The following KCNK3 variants were observed in gnomAD, a reference collection of about 807,000 sequenced individuals.
KCNK3 encodes the protein potassium two pore domain channel subfamily K member 3, also known as potassium channel subfamily K member 3.
KCNK3 carries 9 observed loss-of-function variants against 27.3 expected under a neutral mutation model. The ratio of observed to expected loss-of-function variants is 0.33; its 90% CI spans 0.20 to 0.57. The LOEUF (loss-of-function observed/expected upper bound fraction) is 0.57. Ranked by LOEUF, KCNK3 falls within the 20% of genes least tolerant of loss-of-function variation. The pLI, the probability that KCNK3 is intolerant of heterozygous loss-of-function variation, is 0.87. For synonymous variants in KCNK3, 278 were observed against 273.8 expected (o/e 1.02, Z -0.15); for missense variants, 391 against 577.7 (o/e 0.68, Z 3.31).
At chr2:26,695,916 C>A (rs1433803826) in intron 1 of KCNK3, among the ~76,000 whole-genome samples, 3 of 152,212 alleles carry the variant, frequency 2.0e-5, no homozygotes, top group Non-Finnish European at 4.4e-5. Flanking sequence ...CCTGACCATC[C>A]TGGCTTTGTG....
rs35378015 is a variant in KCNK3, at chr2:26,699,250, A to AAAGAAAGAAAGAAAGAAAGAAAGAAAGC, written c.283+6095_283+6096insAAAGAAAGAAAGAAAGAAAGAAAGCAAG. On this transcript the variant is annotated intron_variant, in intron 1 of 1. Coordinates refer to ENST00000302909, the MANE Select transcript of KCNK3 (RefSeq NM_002246.3). ...GAAAGAAAGAAAGAAAGAAAGAAAGAAAGCCAGCCAAGGAGAAAGGTACAC... is the reference window on the plus strand; with the variant it reads ...GAAAGAAAGAAAGAAAGAAAGAAAGAAAGAAAGAAAGAAAGAAAGAAAGAAAGCAAGCCAGCCAAGGAGAAAGGTACAC... 1.4e-4 allele frequency among the ~76,000 whole-genome samples: 20 copies of AAAGAAAGAAAGAAAGAAAGAAAGAAAGC among 142,872 alleles called. No homozygotes were observed. In the East Asian group the frequency reaches 2.0e-3, roughly 14 times the overall value. 93.7% of individuals were successfully genotyped at this position (142,872 alleles called of 152,430 possible).
intron 1 of KCNK3, among the ~76,000 whole-genome samples, chr2:26,697,938 C>A (rs536821429): frequency 6.6e-6 from 1 of 152,208 alleles, no homozygotes; most frequent in Non-Finnish European, 1.5e-5. Flanking sequence ...GACCTGCCAC[C>A]CCCAAAATCC....
chr2:26,703,642 T>C (rs1670335717), intron 1 of KCNK3, among the ~76,000 whole-genome samples: 1 of 152,174 alleles, frequency 6.6e-6, no homozygotes, highest in Non-Finnish European at 1.5e-5. Flanking sequence ...CGAAATCTCC[T>C]GTGTGCCAGG....
At chr2:26,705,957 G>T (rs1014742380) in intron 1 of KCNK3, among the ~76,000 whole-genome samples, 1 of 152,152 alleles carries the variant, frequency 6.6e-6, no homozygotes, top group Non-Finnish European at 1.5e-5. Flanking sequence ...CCAGAGTCAT[G>T]GGTGTGAGGA....
rs1419799885 is a variant in KCNK3, at chr2:26,729,263, TG to T, written c.*697del. The T allele has an allele frequency of 2.0e-5, 3 of 152,314 alleles. No homozygotes were observed. The highest frequency in any genetic ancestry group is 6.5e-5 in the Admixed American group (1 of 15,272). 9.4% of individuals were successfully genotyped at this position (152,314 alleles called of 1,614,324 possible). A position where few individuals can be genotyped will look rare whatever the true frequency, so the allele number is the denominator to read the frequency against. The stretch of plus-strand genomic sequence containing the variant: ...GGTCGCACTGGAGGTTCAAGCTAAC[TG>T]GCCTCCAGCCACATTCTCATAGCAG... On this transcript the variant is annotated 3_prime_UTR_variant, in exon 2 of 2. Transcript: ENST00000302909.
chr2:26,728,416 T>C lies in KCNK3; in HGVS notation c.1033T>C (p.Ser345Pro). ...CGACACGTGCGTGGAGCAGAGCCAC[T>C]CGTCGCCGGGAGGGGGCGGCCGCTA... Reference protein sequence around the residue: ...TSDTCVEQSHSSPGGGGRYSD... With the variant: ...TSDTCVEQSHPSPGGGGRYSD... Residue 345 changes from serine to proline, a missense_variant, in exon 2 of 2, where the codon TCG (serine) becomes CCG (proline). This residue lies in a region of KCNK3 where 192 missense variants were observed against 196.0 expected (regional missense o/e 0.98). Transcript: ENST00000302909. 2 of 1,592,822 alleles carry C rather than the reference T, an allele frequency of 1.3e-6. No individual in the cohort carries two copies. Among genetic ancestry groups the C allele is most frequent in the Non-Finnish European group, 1.7e-6 (2 of 1,165,808 alleles).
intron 1 of KCNK3, among the ~76,000 whole-genome samples, chr2:26,724,135 G>A (rs575069838): frequency 6.6e-6 from 1 of 152,348 alleles, no homozygotes; most frequent in Non-Finnish European, 1.5e-5. Context: ...GCTCCACCCA[G>A]CTGGCACCCC....
intron 1 of KCNK3, among the ~76,000 whole-genome samples, chr2:26,710,771 C>T (rs757434363): frequency 6.6e-6 from 1 of 152,116 alleles, no homozygotes; most frequent in Admixed American, 6.5e-5. Flanking sequence ...GCCTGGCACC[C>T]GATTCTCAGC....
chr2:26,694,835 T>C (rs1300980757), intron 1 of KCNK3, among the ~76,000 whole-genome samples: 1 of 152,140 alleles, frequency 6.6e-6, no homozygotes, highest in African/African-American at 2.4e-5. Context: ...CTCTCCCTCT[T>C]TTCCACACGT....
rs752475208 is a variant in KCNK3 at position 26,727,728 on chromosome 2, G to A, written c.345G>A (p.Leu115=). The A allele has an allele frequency of 1.3e-6, 2 of 1,568,554 alleles. No individual in the cohort carries two copies. Among genetic ancestry groups the A allele is most frequent in the Admixed American group, 3.6e-5 (2 of 56,148 alleles). Residue 115 remains leucine (L), a synonymous_variant, in exon 2 of 2, where the codon CTG becomes CTA. Coordinates refer to ENST00000302909, the MANE Select transcript of KCNK3 (RefSeq NM_002246.3). ...GGKVFCMFYA[L]LGIPLTLVMF... ...AGGTGTTCTGCATGTTCTACGCGCT[G>A]CTGGGCATCCCGCTCACGCTCGTCA...
At chr2:26,725,556 C>G (rs371407309) in intron 1 of KCNK3, among the ~76,000 whole-genome samples, 22 of 152,198 alleles carry the variant, frequency 1.4e-4, no homozygotes, top group Non-Finnish European at 3.1e-4. Flanking sequence ...GGATGAGAAG[C>G]AGCTCTGGCT....
intron 1 of KCNK3, among the ~76,000 whole-genome samples, chr2:26,717,510 G>A (rs1470401781): frequency 6.6e-6 from 1 of 152,262 alleles, no homozygotes; most frequent in Non-Finnish European, 1.5e-5. Flanking sequence ...CATCCGCGAA[G>A]AGGGCCAAGT....
chr2:26,705,271 TA>T lies in KCNK3; in HGVS notation c.283+12114del, dbSNP rs1193753753. On this transcript the variant is annotated intron_variant, in intron 1 of 1. Transcript: ENST00000302909. ...ACTGCATGTGGCCTGGAGACAGTAT[TA>T]TTATCCCCATTTTACAGATGAGAAC... Among the ~76,000 whole-genome samples, 5 of 152,248 alleles carry T rather than the reference TA, an allele frequency of 3.3e-5. No homozygotes were observed. The East Asian group carries it at 9.6e-4, about 29-fold the overall frequency.
At chr2:26,723,643 C>T (rs1663361260) in intron 1 of KCNK3, among the ~76,000 whole-genome samples, 1 of 152,236 alleles carries the variant, frequency 6.6e-6, no homozygotes, top group African/African-American at 2.4e-5. Context: ...CATTCACAAG[C>T]TGTGTGACCT....
intron 1 of KCNK3, among the ~76,000 whole-genome samples, chr2:26,710,610 G>C (rs1054724026): frequency 1.3e-5 from 2 of 152,170 alleles, no homozygotes; most frequent in Non-Finnish European, 2.9e-5. Context: ...GCAGGAGATG[G>C]GGGCCTGTCC....
intron 1 of KCNK3, among the ~76,000 whole-genome samples, chr2:26,713,581 A>C (rs1572609123): frequency 6.6e-6 from 1 of 152,028 alleles, no homozygotes; most frequent in Non-Finnish European, 1.5e-5. Flanking sequence ...GGAGTTCAAG[A>C]CCAGCCTGGC....
At chr2:26,717,514 G>A (rs947351222) in intron 1 of KCNK3, among the ~76,000 whole-genome samples, 3 of 152,236 alleles carry the variant, frequency 2.0e-5, no homozygotes, top group African/African-American at 7.2e-5. Flanking sequence ...CGCGAAGAGG[G>A]CCAAGTCCAC....
intron 1 of KCNK3, among the ~76,000 whole-genome samples, chr2:26,694,605 A>G (rs183224395): frequency 1.9e-3 from 292 of 152,180 alleles, no homozygotes; most frequent in Admixed American, 5.1e-3. Flanking sequence ...GATGTGGCCC[A>G]GCTGGGGCAC....
intron 1 of KCNK3, among the ~76,000 whole-genome samples, chr2:26,705,695 A>T (rs566446057): frequency 5.9e-5 from 9 of 152,312 alleles, no homozygotes; most frequent in African/African-American, 2.2e-4. Flanking sequence ...GGGCAGGGGC[A>T]GTTGTCACAG....
Sources: gnomAD v4.1 joint callset for allele counts (sites outside exome capture counted in the v4.1 genomes callset) on GRCh38, gnomAD v4.1.1 for gene constraint, gnomAD v4.1.1 regional missense constraint, MANE v1.5 for transcripts, NCBI Gene and HGNC (gene_info 2026-07-23, HGNC 2026-07-21) for gene names.